ATG7: variants seen among roughly 807,000 people sequenced by gnomAD.
The protein encoded by ATG7 is autophagy related 7, also known as ubiquitin-like modifier-activating enzyme ATG7.
In ATG7, 70 loss-of-function variants were observed where a neutral mutation model predicts 82.4. The ratio of observed to expected loss-of-function variants is 0.85; its 90% confidence interval spans 0.70 to 1.04. The LOEUF is 1.04. Among genes scored for constraint, ATG7 ranks in the 50% least tolerant of loss-of-function variants. The probability of loss-of-function intolerance (pLI) is 0.00; values close to 1 mark genes in which losing one functional copy is unlikely to be tolerated. For missense variants in ATG7, 792 were observed against 864.3 expected, an observed-to-expected ratio of 0.92 and a Z score of 1.05; for synonymous variants, 287 against 313.0, an observed-to-expected ratio of 0.92 and a Z score of 0.88.
chr3:11,395,668 C>A (rs544547932), intron 19 of ATG7, among the ~76,000 whole-genome samples: 5 of 152,176 alleles, frequency 3.3e-5, no homozygotes, highest in Non-Finnish European at 7.3e-5. Context: ...GGGCTGGGTG[C>A]AGTGGCTCAC....
chr3:11,568,962 A>AG, the ATG7 span: 5 of 1,189,662 alleles, frequency 4.2e-6, no homozygotes, highest in Non-Finnish European at 5.2e-6. This position sits in a 1 kb window ranked among gnomAD's most constrained non-coding sequence, Gnocchi z 5.9. Flanking sequence ...AGATGGAAAG[A>AG]GGAGGGAGGG....
chr3:11,417,519 C>T (rs1294182000), intron 19 of ATG7, among the ~76,000 whole-genome samples: 1 of 151,852 alleles, frequency 6.6e-6, no homozygotes, highest in South Asian at 2.1e-4. Context: ...GTTAGCATGG[C>T]GTATTTTTTT....
At chr3:11,387,665 T>G (rs1166274788) in intron 19 of ATG7, among the ~76,000 whole-genome samples, 1 of 152,218 alleles carries the variant, frequency 6.6e-6, no homozygotes, top group Non-Finnish European at 1.5e-5. Context: ...CAGTCACCAC[T>G]GTTCCCCTTA....
At chr3:11,298,632 C>T in intron 3 of ATG7, 54 bp from the exon 4 acceptor site, 2 of 1,512,236 alleles carry the variant, frequency 1.3e-6, no homozygotes, top group African/African-American at 1.4e-5. Context: ...TTCTTTCTCA[C>T]CAGGTTTTGC....
intron 3 of ATG7, among the ~76,000 whole-genome samples, chr3:11,282,682 G>A (rs1943264504): frequency 6.6e-6 from 1 of 152,200 alleles, no homozygotes; most frequent in Non-Finnish European, 1.5e-5. Flanking sequence ...TCTTCCGGTA[G>A]AGCCTACTCT....
At chr3:11,355,976 C>T (rs1055622332) in intron 14 of ATG7, among the ~76,000 whole-genome samples, 10 of 152,230 alleles carry the variant, frequency 6.6e-5, no homozygotes, top group Non-Finnish European at 1.0e-4. Flanking sequence ...AATTATACCA[C>T]GAATGGAATG....
chr3:11,491,094 C>T (rs563203969), intron 20 of ATG7, among the ~76,000 whole-genome samples: 4 of 152,346 alleles, frequency 2.6e-5, no homozygotes, highest in African/African-American at 4.8e-5. Flanking sequence ...TTTTCCCCGT[C>T]ACTTTCAGGT....
intron 19 of ATG7, among the ~76,000 whole-genome samples, chr3:11,422,740 C>CTTTTTTTTTTTTTTTTTTTTTTTTTTTT (rs557755646): frequency 4.0e-5 from 2 of 49,546 alleles, no homozygotes; most frequent in African/African-American, 1.0e-4. Context: ...TCATTTCTAG[C>CTTTTTTTTTTTTTTTTTTTTTTTTTTTT]TTTTTTTTTT....
intron 20 of ATG7, among the ~76,000 whole-genome samples, chr3:11,448,390 AGGAGCT>A (rs1372855284): frequency 6.6e-6 from 1 of 152,152 alleles, no homozygotes; most frequent in Non-Finnish European, 1.5e-5. Context: ...GGGTGGACTC[AGGAGCT>A]GGAGCCCCTG....
intron 14 of ATG7, among the ~76,000 whole-genome samples, chr3:11,354,377 C>T (rs1483168272): frequency 6.6e-6 from 1 of 152,086 alleles, no homozygotes; most frequent in African/African-American, 2.4e-5. Context: ...AGGCCGGGCG[C>T]AATTGCTCAC....
At chr3:11,378,685 CAAAAAAAAAAAA>C (rs368506515) in intron 18 of ATG7, among the ~76,000 whole-genome samples, 2 of 78,968 alleles carry the variant, frequency 2.5e-5, no homozygotes, top group Admixed American at 1.6e-4. Flanking sequence ...ACTCCATCTC[CAAAAAAAAAAAA>C]AAAAAAAAAA....
chr3:11,517,488 T>C (rs2124882522), intron 20 of ATG7, among the ~76,000 whole-genome samples: 1 of 152,322 alleles, frequency 6.6e-6, no homozygotes. Context: ...ACTCGATCCC[T>C]GTCCTTACGG....
chr3:11,348,071 T>C, intron 14 of ATG7, 36 bp downstream of exon 14: 5 of 1,579,328 alleles, frequency 3.2e-6, no homozygotes, highest in Non-Finnish European at 4.3e-6. Context: ...TTCTGTTATA[T>C]GTATAAATGT....
intron 20 of ATG7, among the ~76,000 whole-genome samples, chr3:11,471,747 T>TTCC (rs2087558178): frequency 8.1e-6 from 1 of 122,872 alleles, no homozygotes; most frequent in African/African-American, 3.6e-5. Flanking sequence ...TTAGATTTCT[T>TTCC]TTTTTTTTTT....
At position 11,299,351 on chromosome 3, in the gene ATG7, C is replaced by CTTCT; in HGVS notation, c.161-10_161-7dup. On this transcript the variant is annotated splice_polypyrimidine_tract_variant and intron_variant, in intron 4 of 20. Transcript: ENST00000693202. ...ACTTGTCATTGAAAATGTGATAATG[C>CTTCT]TTCTGTCCAGGTGACTCTGCTGGGC... 6.2e-7 allele frequency: 1 copy of CTTCT among 1,606,636 alleles called. No homozygotes were observed. The highest frequency in any genetic ancestry group is 8.5e-7 in the Non-Finnish European group (1 of 1,173,292).
At chr3:11,570,991 G>A in the ATG7 span, among the ~76,000 whole-genome samples, 1 of 152,198 alleles carries the variant, frequency 6.6e-6, no homozygotes, top group African/African-American at 2.4e-5. Flanking sequence ...ATTTTAGACG[G>A]GAAGTGAGGG....
At chr3:11,423,506 C>T (rs2082111012) in intron 19 of ATG7, among the ~76,000 whole-genome samples, 2 of 152,102 alleles carry the variant, frequency 1.3e-5, no homozygotes, top group Admixed American at 6.5e-5. Flanking sequence ...ACACATAGTA[C>T]TCAACATTTC....
At chr3:11,421,072 T>C (rs192735801) in intron 19 of ATG7, among the ~76,000 whole-genome samples, 10 of 152,290 alleles carry the variant, frequency 6.6e-5, no homozygotes, top group African/African-American at 2.2e-4. Context: ...ACTTTTTTTT[T>C]GCTAAAAAAT....
At chr3:11,498,252 C>A (rs1336359542) in intron 20 of ATG7, among the ~76,000 whole-genome samples, 1 of 152,176 alleles carries the variant, frequency 6.6e-6, no homozygotes, top group Non-Finnish European at 1.5e-5. Flanking sequence ...TTCCAGTGTG[C>A]CCCTATTAGA....
Sources: allele counts gnomAD v4.1 joint callset (sites outside exome capture counted in the v4.1 genomes callset), GRCh38; gene constraint gnomAD v4.1.1; non-coding constraint Gnocchi (gnomAD v3.1); transcripts MANE v1.5; gene names NCBI Gene and HGNC (gene_info 2026-07-23, HGNC 2026-07-21).